Variants in CMTR1 observed in about 807,000 individuals in gnomAD.
CMTR1 encodes the protein cap-specific mRNA (nucleoside-2'-O-)-methyltransferase 1.
A neutral mutation model predicts 107.0 loss-of-function variants in CMTR1; 39 were observed. The observed-to-expected ratio is 0.36, with a 90% confidence interval of 0.28 to 0.48. CMTR1 has a LOEUF of 0.48. Among genes scored for constraint, CMTR1 ranks in the 20% least tolerant of loss-of-function variants. The probability of loss-of-function intolerance (pLI) is 0.99; values close to 1 mark genes in which losing one functional copy is unlikely to be tolerated. For missense variants in CMTR1, 672 were observed against 1,064.9 expected (o/e 0.63, Z 5.14); for synonymous variants, 366 against 379.5 (o/e 0.96, Z 0.41).
At chr6:37,464,417 A>G (rs963102064) in intron 13 of CMTR1, among the ~76,000 whole-genome samples, 1 of 151,380 alleles carries the variant, frequency 6.6e-6, no homozygotes, top group African/African-American at 2.4e-5. Flanking sequence ...CAGTGAGCCG[A>G]GATCGCGCCA....
chr6:37,451,428 G>A (rs1761169669), intron 5 of CMTR1, among the ~76,000 whole-genome samples: 1 of 152,172 alleles, frequency 6.6e-6, no homozygotes, highest in Admixed American at 6.5e-5. Context: ...ATCACAGAGA[G>A]GCTTCCTGGT....
intron 8 of CMTR1, among the ~76,000 whole-genome samples, chr6:37,456,025 GGGCCATAC>G (rs1761285693): frequency 6.6e-6 from 1 of 152,222 alleles, no homozygotes; most frequent in Non-Finnish European, 1.5e-5. Context: ...TGACCTATAA[GGGCCATAC>G]ATCTTGAAAT....
chr6:37,461,713 A>T (rs1761406421), intron 11 of CMTR1, 68 bp downstream of exon 11: 3 of 1,102,920 alleles, frequency 2.7e-6, no homozygotes, highest in East Asian at 2.4e-5. Flanking sequence ...AAGAACATGT[A>T]CAAGGGGTTG....
Position 37,462,760 on chromosome 6 carries a change from G to A in CMTR1, c.1326-69G>A, listed in dbSNP as rs1267994507. 3.4e-6 allele frequency: 5 copies of A among 1,461,288 alleles called. No homozygotes were observed. The Admixed American group carries it at 8.5e-5, about 25-fold the overall frequency. 90.5% of individuals were successfully genotyped at this position (1,461,288 alleles called of 1,614,324 possible). On this transcript the variant is annotated intron_variant, in intron 12 of 23. Transcript: ENST00000373451. ...CATTAAGCTTTGTGATTCCACAAGG[G>A]GTTGGGGGAAAAGGAATGTATGGGG... is the stretch of plus-strand genomic sequence containing the variant.
At chr6:37,428,008 C>CAGAG in the CMTR1 span, among the ~76,000 whole-genome samples, 5,462 of 114,568 alleles carry the variant, frequency 0.048, 237 homozygotes, top group East Asian at 0.099. Context: ...GCAACAGAGA[C>CAGAG]AGAGAGAGAG....
At chr6:37,462,168 C>T in intron 12 of CMTR1, 66 bp downstream of exon 12, 1 of 1,572,674 alleles carries the variant, frequency 6.4e-7, no homozygotes, top group Non-Finnish European at 8.7e-7. Context: ...AATCATGGTG[C>T]ATCTCTCTGG....
intron 10 of CMTR1, among the ~76,000 whole-genome samples, chr6:37,461,193 G>T (rs1761397422): frequency 6.6e-6 from 1 of 152,194 alleles, no homozygotes; most frequent in African/African-American, 2.4e-5. Context: ...CTATGTTGTG[G>T]TTGACCTCTG....
At chr6:37,439,543 T>C (rs890574611) in intron 2 of CMTR1, among the ~76,000 whole-genome samples, 6 of 152,240 alleles carry the variant, frequency 3.9e-5, no homozygotes, top group African/African-American at 1.4e-4. Context: ...ATCGCTTTCC[T>C]GTCAGCCCAG....
chr6:37,453,426 A>G, intron 8 of CMTR1, 114 bp downstream of exon 8: 1 of 1,029,766 alleles, frequency 9.7e-7, no homozygotes, highest in Non-Finnish European at 1.5e-6. Flanking sequence ...TGTGATGGAG[A>G]TACTTTGCTT....
intron 13 of CMTR1, among the ~76,000 whole-genome samples, chr6:37,469,700 G>C (rs1382562713): frequency 1.3e-5 from 2 of 151,170 alleles, no homozygotes; most frequent in Non-Finnish European, 2.9e-5. Flanking sequence ...GCTAGTTTTT[G>C]TATTTTTAGT....
intron 3 of CMTR1, among the ~76,000 whole-genome samples, chr6:37,445,490 T>C (rs1315213916): frequency 7.1e-6 from 1 of 140,508 alleles, no homozygotes; most frequent in Non-Finnish European, 1.5e-5. Flanking sequence ...TCACCTTTTT[T>C]TTTTTTTTTT....
intron 13 of CMTR1, among the ~76,000 whole-genome samples, chr6:37,468,453 T>A (rs536572651): frequency 1.3e-5 from 2 of 152,382 alleles, no homozygotes; most frequent in African/African-American, 4.8e-5. Context: ...CATACTTACC[T>A]TTCTGGTGTT....
chr6:37,473,781 GTCAT>G (rs1172775157), intron 17 of CMTR1, among the ~76,000 whole-genome samples, 180 bp downstream of exon 17: 2 of 152,230 alleles, frequency 1.3e-5, no homozygotes, highest in Non-Finnish European at 2.9e-5. Flanking sequence ...TTTGCCAAGT[GTCAT>G]TCATTCATTC....
intron 8 of CMTR1, among the ~76,000 whole-genome samples, chr6:37,456,726 T>C (rs886826232): frequency 6.6e-6 from 1 of 152,192 alleles, no homozygotes; most frequent in African/African-American, 2.4e-5. Flanking sequence ...AACTATAGTC[T>C]TTTGCAGTTA....
chr6:37,444,104 C>A lies in CMTR1; in HGVS notation c.239C>A (p.Thr80Asn), dbSNP rs1056950284. 6.2e-7 allele frequency: 1 copy of A among 1,614,062 alleles called. No individual in the cohort carries two copies. The highest frequency in any genetic ancestry group is 1.3e-5 in the African/African-American group (1 of 75,044). The change falls in exon 3 of 24, where the codon ACT becomes AAT. Residue 80 changes from threonine (T) to asparagine (N), a missense_variant. By Grantham distance (65) the Thr-to-Asn change is moderately conservative. Coordinates refer to ENST00000373451, the MANE Select transcript of CMTR1 (RefSeq NM_015050.3). ...AAAGCAGACTCTCTTGTGGAAGGAACTTCTTCTCGCTATTCCATGTATAAT... is the reference window on the plus strand; with the variant it reads ...AAAGCAGACTCTCTTGTGGAAGGAAATTCTTCTCGCTATTCCATGTATAAT... ...AFKADSLVEG[T>N]SSRYSMYNSV...
At chr6:37,470,346 C>A (rs544949232) in intron 13 of CMTR1, among the ~76,000 whole-genome samples, 1 of 152,152 alleles carries the variant, frequency 6.6e-6, no homozygotes, top group East Asian at 1.9e-4. Context: ...CGGGGTTTCA[C>A]CGTGTTAGCC....
chr6:37,474,745 T>C, intron 18 of CMTR1, 99 bp downstream of exon 18: 1 of 1,541,292 alleles, frequency 6.5e-7, no homozygotes. Context: ...TTACATTGTG[T>C]GGTGGCTGAC....
At chr6:37,449,780 G>A (rs1224127) in intron 4 of CMTR1, among the ~76,000 whole-genome samples, 109,673 of 152,112 alleles carry the variant, frequency 0.72, 40,137 homozygotes, top group African/African-American at 0.83. Flanking sequence ...TGTTTTTTGA[G>A]TAACACTTTG....
chr6:37,453,859 T>C (rs1761235142), intron 8 of CMTR1, among the ~76,000 whole-genome samples: 1 of 152,216 alleles, frequency 6.6e-6, no homozygotes, highest in Non-Finnish European at 1.5e-5. Context: ...CGTACTAACC[T>C]GCCAGAGGGC....
Sources: gnomAD v4.1 joint callset for allele counts (sites outside exome capture counted in the v4.1 genomes callset) on GRCh38, gnomAD v4.1.1 for gene constraint, MANE v1.5 for transcripts, NCBI Gene and HGNC (gene_info 2026-07-23, HGNC 2026-07-21) for gene names.